The following MTA3 variants were observed in gnomAD, a reference collection of about 807,000 sequenced individuals.
The protein encoded by MTA3 is metastasis associated 1 family member 3.
MTA3 carries 34 observed loss-of-function variants against 83.5 expected under a neutral mutation model. That is an observed-to-expected ratio of 0.41 (90% CI 0.31 to 0.54). MTA3 has a LOEUF of 0.54. Ranked by LOEUF, MTA3 falls within the 20% of genes least tolerant of loss-of-function variation. The probability of loss-of-function intolerance (pLI) is 0.33; values close to 1 mark genes in which losing one functional copy is unlikely to be tolerated. For missense variants in MTA3, 761 were observed against 726.4 expected, an observed-to-expected ratio of 1.05 and a Z score of -0.55; for synonymous variants, 303 against 252.7, an observed-to-expected ratio of 1.20 and a Z score of -1.89.
intron 2 of MTA3, among the ~76,000 whole-genome samples, chr2:42,552,544 C>T (rs1677163171): frequency 6.6e-6 from 1 of 151,250 alleles, no homozygotes; most frequent in Non-Finnish European, 1.5e-5. Flanking sequence ...ATCCCTTGAG[C>T]CCAGGAGTTT....
intron 4 of MTA3, among the ~76,000 whole-genome samples, chr2:42,616,034 C>A (rs1182537815): frequency 6.6e-6 from 1 of 151,362 alleles, no homozygotes; most frequent in East Asian, 2.0e-4. Flanking sequence ...AGGCGTGAGC[C>A]ACCGAGACTG....
At chr2:42,643,236 T>C (rs1364885861) in intron 5 of MTA3, among the ~76,000 whole-genome samples, 2 of 152,188 alleles carry the variant, frequency 1.3e-5, no homozygotes, top group Non-Finnish European at 1.5e-5. Context: ...TGCAGTTTCC[T>C]TTGCTGGGGC....
chr2:42,662,881 G>A (rs1363442927), intron 8 of MTA3, among the ~76,000 whole-genome samples: 3 of 151,836 alleles, frequency 2.0e-5, no homozygotes, highest in South Asian at 2.1e-4. Flanking sequence ...ACAGGCGCAC[G>A]TCACCACACC....
intron 5 of MTA3, among the ~76,000 whole-genome samples, chr2:42,642,996 AC>A (rs1208610754): frequency 6.7e-6 from 1 of 148,708 alleles, no homozygotes; most frequent in Non-Finnish European, 1.5e-5. Context: ...CTTAGATAGC[AC>A]TTTAACAGTA....
At chr2:42,695,863 A>G in intron 10 of MTA3, 24 bp downstream of exon 10, 2 of 1,434,102 alleles carry the variant, frequency 1.4e-6, no homozygotes, top group Non-Finnish European at 1.9e-6. Flanking sequence ...TATTGCTACC[A>G]ATATGGTTGC....
rs565023103 is a variant in MTA3 at position 42,596,518 on chromosome 2, T to C, written c.191-12940T>C. ...CCAGATTATTATCAACTGTAAATATTATAAAGGTTTATTATTTGACAAGTT... is the reference window on the plus strand; with the variant it reads ...CCAGATTATTATCAACTGTAAATATCATAAAGGTTTATTATTTGACAAGTT... On this transcript the variant is annotated intron_variant, in intron 3 of 16. Coordinates refer to ENST00000405094, the MANE Select transcript of MTA3 (RefSeq NM_001330442.2). 1.0e-3 allele frequency among the ~76,000 whole-genome samples: 158 copies of C among 152,356 alleles called. 3 individuals carry two copies. The South Asian group carries it at 0.018, about 18-fold the overall frequency.
At chr2:42,702,952 C>T (rs1347173152) in intron 11 of MTA3, 2 of 152,326 alleles carry the variant, frequency 1.3e-5, no homozygotes, top group African/African-American at 2.4e-5. Flanking sequence ...GTAGATGTCT[C>T]TTCCCCTCCC....
chr2:42,528,712 C>T (rs1675829314), intron 2 of MTA3, among the ~76,000 whole-genome samples: 1 of 152,178 alleles, frequency 6.6e-6, no homozygotes, highest in East Asian at 1.9e-4. Context: ...ATTTCAGCCA[C>T]TTTCAGTTTT....
At chr2:42,714,421 T>C (rs1666879310) in intron 14 of MTA3, among the ~76,000 whole-genome samples, 1 of 152,220 alleles carries the variant, frequency 6.6e-6, no homozygotes, top group South Asian at 2.1e-4. Flanking sequence ...TTGTGGCTTC[T>C]TTAAAAATAC....
At chr2:42,587,467 C>G (rs1257726298) in intron 3 of MTA3, among the ~76,000 whole-genome samples, 1 of 152,078 alleles carries the variant, frequency 6.6e-6, no homozygotes, top group Admixed American at 6.6e-5. Context: ...AGTGAGAATT[C>G]TTGTGTATGA....
chr2:42,592,186 C>T (rs980694459), intron 3 of MTA3, among the ~76,000 whole-genome samples: 7 of 152,074 alleles, frequency 4.6e-5, no homozygotes, highest in African/African-American at 1.7e-4. Flanking sequence ...TGGTTGAGCC[C>T]AGTAGGCAGA....
rs370988429 is a variant in MTA3 at position 42,637,772 on chromosome 2, A to G, written c.318-2401A>G. ...TATAAAAACTGCATTTCCAAAAACA[A>G]TTTGTACTTCATTATAACCTGTGTT... On this transcript the variant is annotated intron_variant, in intron 4 of 16. Transcript: ENST00000405094. Among the ~76,000 whole-genome samples the G allele has an allele frequency of 5.3e-5, 8 of 152,296 alleles. No homozygotes were observed. The East Asian group carries it at 7.7e-4, about 15-fold the overall frequency.
At chr2:42,518,611 C>T (rs564772141) in intron 2 of MTA3, among the ~76,000 whole-genome samples, 3 of 152,116 alleles carry the variant, frequency 2.0e-5, no homozygotes, top group Non-Finnish European at 4.4e-5. Flanking sequence ...TGTAGCTATT[C>T]CACCCTGAAG....
chr2:42,551,043 C>CTAAATAAA (rs1202330308), intron 2 of MTA3, among the ~76,000 whole-genome samples: 1 of 144,292 alleles, frequency 6.9e-6, no homozygotes, highest in African/African-American at 2.6e-5. Flanking sequence ...GAACCAGACT[C>CTAAATAAA]TGACTAAATA....
rs147871716 is a variant in MTA3, at chr2:42,719,273, T to A, written c.1612+199T>A. 4.0e-3 allele frequency among the ~76,000 whole-genome samples: 610 copies of A among 152,224 alleles called. 4 individuals carry two copies. Among genetic ancestry groups the A allele is most frequent in the African/African-American group, 0.013 (543 of 41,550 alleles). ...CAACACACACACATACACACACAGA[T>A]TTATGATATATGTCTACTTTTTCCA... On this transcript the variant is annotated intron_variant, in intron 15 of 16. Coordinates refer to ENST00000405094, the MANE Select transcript of MTA3 (RefSeq NM_001330442.2).
rs571021111 is a variant in MTA3, at chr2:42,561,249, T to C, written c.-140-9188T>C. ...GGCCTTCCCTTACCACCATCATCAC[T>C]TTTTGTTCTCTGATCTTGATTTACT... On this transcript the variant is annotated intron_variant, in intron 2 of 17. Coordinates refer to the MTA3 transcript ENST00000405592. Among the ~76,000 whole-genome samples the C allele has an allele frequency of 4.1e-4, 62 of 152,330 alleles. 1 individual carries two copies. Among genetic ancestry groups the C allele is most frequent in the African/African-American group, 1.5e-3 (61 of 41,586 alleles).
rs1198789953 is a variant in MTA3, at chr2:42,724,275, AAAACACACACACAC to A, written c.1759+1242_1759+1255del. Among the ~76,000 whole-genome samples the A allele has an allele frequency of 3.4e-3, 276 of 82,232 alleles. 3 individuals are homozygous for A. The highest frequency in any genetic ancestry group is 0.031 in the Middle Eastern group (4 of 130). 53.9% of individuals were successfully genotyped at this position (82,232 alleles called of 152,430 possible). A position where few individuals can be genotyped will look rare whatever the true frequency, so the allele number is the denominator to read the frequency against. ...GTAGAAGGTATAAAGTAAGTCCTGA[AAAACACACACACAC>A]ACACACACACACACACACACACACA... On this transcript the variant is annotated intron_variant, in intron 16 of 16. Transcript: ENST00000405094.
intron 4 of MTA3, chr2:42,613,725 A>G (rs1264428285): frequency 6.6e-6 from 1 of 152,206 alleles, no homozygotes; most frequent in East Asian, 1.9e-4. Flanking sequence ...TAGTCTGTGA[A>G]CTATAATATT....
chr2:42,632,773 T>C (rs903511439), intron 4 of MTA3, among the ~76,000 whole-genome samples: 26 of 152,134 alleles, frequency 1.7e-4, no homozygotes, highest in African/African-American at 6.3e-4. Context: ...AAACTTCTCT[T>C]TTTGGCTTTT....
Sources: allele counts gnomAD v4.1 joint callset (sites outside exome capture counted in the v4.1 genomes callset), GRCh38; gene constraint gnomAD v4.1.1; transcripts MANE v1.5; gene names NCBI Gene and HGNC (gene_info 2026-07-23, HGNC 2026-07-21).